POP4: variants seen among roughly 807,000 people sequenced by gnomAD.
POP4 encodes POP4 ribonuclease P/MRP subunit.
A neutral mutation model predicts 29.9 loss-of-function variants in POP4; 31 were observed. The ratio of observed to expected loss-of-function variants is 1.04; its 90% CI spans 0.78 to 1.40. POP4 has a LOEUF of 1.40. POP4 is among the 40% of genes most tolerant of loss of function. The pLI, the probability that POP4 is intolerant of heterozygous loss-of-function variation, is 0.00. For synonymous variants in POP4, 110 were observed against 108.2 expected (o/e 1.02, Z -0.10); for missense variants, 286 against 282.7 (o/e 1.01, Z -0.08).
chr19:29,615,470 A>G lies in POP4; in HGVS notation c.*90A>G, dbSNP rs1971119740. The G allele has an allele frequency of 1.4e-6, 2 of 1,443,756 alleles. No individual in the cohort carries two copies. The highest frequency in any genetic ancestry group is 9.4e-7 in the Non-Finnish European group (1 of 1,059,220). The allele number at this position is 1,443,756 out of a possible 1,614,324, so 89.4% of individuals were successfully genotyped here. Reference sequence around the variant, plus strand: ...CTTTCAGTGAAGAGATAGTTAAGCCAATTCCATTTATAGACCACCTCCAGC... The same window carrying G: ...CTTTCAGTGAAGAGATAGTTAAGCCGATTCCATTTATAGACCACCTCCAGC... On this transcript the variant is annotated 3_prime_UTR_variant, in exon 7 of 7. Transcript: ENST00000585603.
chr19:29,613,742 G>C, intron 5 of POP4, 129 bp from the exon 6 acceptor site: 1 of 1,410,112 alleles, frequency 7.1e-7, no homozygotes, highest in South Asian at 1.5e-5. Context: ...CCCACCCCCT[G>C]GGTGCTCTGT....
chr19:29,610,731 G>A (rs2145556904), intron 3 of POP4, 99 bp downstream of exon 3: 1 of 1,193,414 alleles, frequency 8.4e-7, no homozygotes, highest in East Asian at 2.5e-5. Context: ...CTCCACCTAA[G>A]CTAAGGGGGC....
At chr19:29,606,548 C>T (rs1971000062) in intron 1 of POP4, 1 of 500,622 alleles carries the variant, frequency 2.0e-6, no homozygotes, top group East Asian at 3.4e-5. Context: ...GCAGGTTCTC[C>T]CGGAGGCTGC....
intron 5 of POP4, 181 bp from the exon 6 acceptor site, chr19:29,613,690 C>G (rs1363044155): frequency 6.6e-6 from 6 of 915,950 alleles, no homozygotes; most frequent in East Asian, 2.8e-5. Context: ...CCAGGGGAAG[C>G]CTGGATTCTT....
chr19:29,615,136 A>AT, intron 6 of POP4, 108 bp from the exon 7 acceptor site: 36 of 1,303,596 alleles, frequency 2.8e-5, no homozygotes, highest in Non-Finnish European at 2.0e-5. Flanking sequence ...CTATTAGCTT[A>AT]TTTTTTTCAT....
chr19:29,610,439 G>A lies in POP4; in HGVS notation c.91G>A (p.Val31Met), dbSNP rs1421664988. 1.1e-5 allele frequency: 17 copies of A among 1,582,576 alleles called. No individual in the cohort carries two copies. In the Admixed American group the frequency reaches 1.3e-4, roughly 12 times the overall value. Reference sequence around the variant, plus strand: ...AGGAGCACAGCGGGCCGAGGCCTTCGTGAGGGCCTTCCTGAAGCGCAGCAC... The same window carrying A: ...AGGAGCACAGCGGGCCGAGGCCTTCATGAGGGCCTTCCTGAAGCGCAGCAC... ...PSGAQRAEAFVRAFLKRSTPR... is the reference protein window; with the variant it reads ...PSGAQRAEAFMRAFLKRSTPR... Residue 31 changes from valine to methionine, a missense_variant, in exon 3 of 7, where the codon GTG becomes ATG. Val to Met is a conservative substitution (Grantham distance 21, BLOSUM62 1). Coordinates refer to ENST00000585603, the MANE Select transcript of POP4 (RefSeq NM_006627.3).
rs543747283 is a variant in POP4, at chr19:29,615,724, A to G, written c.*344A>G. On this transcript the variant is annotated 3_prime_UTR_variant, in exon 7 of 7. Transcript: ENST00000585603. ...TTCCATGTTTTCTGAGTGCTCTATGATAAATCAGTTGCATCTGTGATAATA... is the reference window on the plus strand; with the variant it reads ...TTCCATGTTTTCTGAGTGCTCTATGGTAAATCAGTTGCATCTGTGATAATA... 21 of 195,036 alleles carry G rather than the reference A, an allele frequency of 1.1e-4. No homozygotes were observed. Among genetic ancestry groups the G allele is most frequent in the South Asian group, 3.8e-4 (3 of 7,872 alleles). 12.1% of individuals were successfully genotyped at this position (195,036 alleles called of 1,614,324 possible).
chr19:29,610,495 C>G lies in POP4; in HGVS notation c.147C>G (p.Asp49Glu). ...TPRMSPQARE[D>E]QLQRKAVVLE... ...GCATGAGCCCGCAGGCCCGCGAGGA[C>G]CAGCTGCAGCGCAAGGCGGTGGTCC... Residue 49 changes from aspartate (D) to glutamate (E), a missense_variant, in exon 3 of 7, where the codon GAC becomes GAG. By Grantham distance (45) the Asp-to-Glu change is conservative (BLOSUM62 2). Coordinates refer to ENST00000585603, the MANE Select transcript of POP4 (RefSeq NM_006627.3). 2 of 1,612,270 alleles carry G rather than the reference C, an allele frequency of 1.2e-6. No homozygotes were observed. Among genetic ancestry groups the G allele is most frequent in the Non-Finnish European group, 1.7e-6 (2 of 1,179,384 alleles).
intron 6 of POP4, among the ~76,000 whole-genome samples, chr19:29,614,796 G>A (rs1386386019): frequency 2.0e-5 from 3 of 152,082 alleles, no homozygotes; most frequent in South Asian, 2.1e-4. Flanking sequence ...GAGCCACCGC[G>A]CCCAGCCTTC....
intron 5 of POP4, 110 bp from the exon 6 acceptor site, chr19:29,613,761 C>A: frequency 2.0e-6 from 3 of 1,484,128 alleles, no homozygotes; most frequent in Non-Finnish European, 1.8e-6. Context: ...GTTCTTTCAT[C>A]TGCTAGCTCA....
At chr19:29,612,475 G>T (rs1001994135) in intron 5 of POP4, among the ~76,000 whole-genome samples, 3 of 152,118 alleles carry the variant, frequency 2.0e-5, no homozygotes, top group African/African-American at 7.2e-5. Context: ...CCACGGCCTG[G>T]GATCTTGAAC....
chr19:29,607,789 T>C (rs914003265), intron 1 of POP4, among the ~76,000 whole-genome samples: 2 of 152,230 alleles, frequency 1.3e-5, no homozygotes, highest in African/African-American at 4.8e-5. Context: ...TGTGACACAT[T>C]ATAATTTCAT....
rs72228837 is a variant in POP4, at chr19:29,615,223, CTTTTTTT to C, written c.527-10_527-4del. The C allele has an allele frequency of 7.6e-7, 1 of 1,324,486 alleles. No homozygotes were observed. The highest frequency in any genetic ancestry group is 2.4e-4 in the Middle Eastern group (1 of 4,146). 82.0% of individuals were successfully genotyped at this position (1,324,486 alleles called of 1,614,324 possible). A position where few individuals can be genotyped will look rare whatever the true frequency, so the allele number is the denominator to read the frequency against. ...TTTTCCTCATCTTTTTTTCTCCTGC[CTTTTTTT>C]TTTTTTTTTTCAGTTATCCCCAAGC... On this transcript the variant is annotated splice_polypyrimidine_tract_variant and intron_variant, in intron 6 of 6. Coordinates refer to ENST00000585603, the MANE Select transcript of POP4 (RefSeq NM_006627.3).
intron 2 of POP4, 106 bp from the exon 3 acceptor site, chr19:29,610,303 C>A: frequency 9.7e-7 from 1 of 1,026,124 alleles, no homozygotes; most frequent in Non-Finnish European, 1.4e-6. Flanking sequence ...AGGGATGGGC[C>A]CCATTTGCTC....
In POP4 at chr19:29,611,948, C is replaced by T. The variant is rs750241853; in HGVS notation, c.362+9C>T. Reference sequence around the variant, plus strand: ...GGGCTCAAGCCAGACACGTAAGTTGCATTCCTGAAGCTTTGCTCTTTGGGG... The same window carrying T: ...GGGCTCAAGCCAGACACGTAAGTTGTATTCCTGAAGCTTTGCTCTTTGGGG... On this transcript the variant is annotated intron_variant, in intron 4 of 6. Coordinates refer to ENST00000585603, the MANE Select transcript of POP4 (RefSeq NM_006627.3). 3.7e-6 allele frequency: 6 copies of T among 1,612,844 alleles called. No individual in the cohort carries two copies. The South Asian group carries it at 5.5e-5, about 15-fold the overall frequency.
At chr19:29,614,691 G>T (rs189023731) in intron 6 of POP4, among the ~76,000 whole-genome samples, 2 of 151,854 alleles carry the variant, frequency 1.3e-5, no homozygotes, top group Non-Finnish European at 1.5e-5. Context: ...TTTAGTAGAG[G>T]CAGGGTTTCA....
At position 29,610,488 on chromosome 19, in the gene POP4, G is replaced by A. The variant is rs557496741; in HGVS notation, c.140G>A (p.Arg47His). 23 of 1,610,480 alleles carry A rather than the reference G, an allele frequency of 1.4e-5. No homozygotes were observed. Among genetic ancestry groups the A allele is most frequent in the Admixed American group, 3.4e-5 (2 of 59,454 alleles). The change falls in exon 3 of 7, where the codon CGC (arginine) becomes CAC (histidine). Residue 47 changes from arginine to histidine, a missense_variant. Arg to His is a conservative substitution (Grantham distance 29, BLOSUM62 0). Transcript: ENST00000585603. ...RSTPRMSPQA[R>H]EDQLQRKAVV... ...ACGCCCCGCATGAGCCCGCAGGCCC[G>A]CGAGGACCAGCTGCAGCGCAAGGCG...
chr19:29,610,864 C>T (rs1483326299), intron 3 of POP4: 1 of 548,828 alleles, frequency 1.8e-6, no homozygotes, highest in African/African-American at 1.9e-5. Context: ...AAGACCCGTG[C>T]AAGTACATCT....
intron 3 of POP4, chr19:29,611,572 A>C: frequency 3.1e-6 from 1 of 318,954 alleles, no homozygotes; most frequent in South Asian, 4.1e-5. Flanking sequence ...GAAAACCTCA[A>C]AATAACAGTA....
Sources: allele counts gnomAD v4.1 joint callset (sites outside exome capture counted in the v4.1 genomes callset), GRCh38; gene constraint gnomAD v4.1.1; transcripts MANE v1.5; gene names NCBI Gene and HGNC (gene_info 2026-07-23, HGNC 2026-07-21).